The following CASP9 variants were observed in gnomAD, a reference collection of about 807,000 sequenced individuals.
The protein encoded by CASP9 is caspase 9.
Under a neutral mutation model 43.5 loss-of-function variants are expected in CASP9, and 29 were observed. The observed-to-expected ratio is 0.67, with a 90% confidence interval of 0.50 to 0.91. The LOEUF (loss-of-function observed/expected upper bound fraction) is 0.91. Among genes scored for constraint, CASP9 ranks in the 40% least tolerant of loss-of-function variants. The pLI is 0.00. For missense variants in CASP9, 575 were observed against 537.4 expected, an observed-to-expected ratio of 1.07 and a Z score of -0.69; for synonymous variants, 206 against 211.9, an observed-to-expected ratio of 0.97 and a Z score of 0.24.
chr1:15,494,581 A>T (rs1210210225), intron 7 of CASP9, among the ~76,000 whole-genome samples: 1 of 140,580 alleles, frequency 7.1e-6, no homozygotes, highest in African/African-American at 2.6e-5. Flanking sequence ...AAAAAAAAAA[A>T]GGCTGGGCGC....
intron 5 of CASP9, 127 bp downstream of exon 5, chr1:15,505,863 G>A (rs1709499009): frequency 1.3e-6 from 1 of 761,154 alleles, no homozygotes; most frequent in Non-Finnish European, 2.3e-6. Context: ...GAGGTGGGCA[G>A]GGCCCCACAG....
chr1:15,515,852 T>G (rs1296926257), intron 2 of CASP9, among the ~76,000 whole-genome samples: 1 of 152,024 alleles, frequency 6.6e-6, no homozygotes, highest in Non-Finnish European at 1.5e-5. Context: ...GCACAGGAGT[T>G]TGAGGGCAGC....
Position 15,518,347 on chromosome 1 carries a change from C to A in CASP9, c.181G>T (p.Asp61Tyr). 1 of 1,614,032 alleles carries A rather than the reference C, an allele frequency of 6.2e-7. No individual in the cohort carries two copies. Among genetic ancestry groups the A allele is most frequent in the African/African-American group, 1.3e-5 (1 of 75,038 alleles). ...GCCTGACTCCCTCGAGTCTCCAGAT[C>A]TATGATCAGCTGCCTGGCCTGATCC... ...RRDQARQLIIDLETRGSQALP... is the reference protein window; with the variant it reads ...RRDQARQLIIYLETRGSQALP... The change falls in exon 2 of 9, where the codon GAT becomes TAT. Residue 61 changes from aspartate (D) to tyrosine (Y), a missense_variant. Physicochemically the swap from Asp to Tyr is radical, Grantham distance 160. Coordinates refer to ENST00000333868, the MANE Select transcript of CASP9 (RefSeq NM_001229.5).
intron 1 of CASP9, among the ~76,000 whole-genome samples, chr1:15,518,645 A>G (rs1710054819): frequency 1.3e-5 from 2 of 152,240 alleles, no homozygotes; most frequent in African/African-American, 4.8e-5. Context: ...TTAAGGAGCA[A>G]ATTTCTAATG....
chr1:15,521,746 G>A (rs1338515312), intron 1 of CASP9, among the ~76,000 whole-genome samples: 1 of 152,058 alleles, frequency 6.6e-6, no homozygotes, highest in East Asian at 1.9e-4. Context: ...CCACGTCTAG[G>A]TGGTAGTGGT....
rs1157562223 is a variant in CASP9 at position 15,493,925 on chromosome 1, A to G, written c.1125T>C (p.Ala375=). 1 of 1,602,954 alleles carries G rather than the reference A, an allele frequency of 6.2e-7. No individual in the cohort carries two copies. The highest frequency in any genetic ancestry group is 1.1e-5 in the South Asian group (1 of 89,206). The stretch of plus-strand genomic sequence containing the variant: ...GGAGGGACTGCAGGTCTTCAGAGTG[A>G]GCCCACTGCTCAAAGATGTCGTCCA... ...ETLDDIFEQW[A]HSEDLQSLLL... is the part of the protein sequence containing the mutation. Residue 375 remains alanine, a synonymous_variant, in exon 8 of 9, where the codon GCT becomes GCC. Transcript: ENST00000333868.
chr1:15,517,977 G>T, intron 2 of CASP9, 133 bp downstream of exon 2: 2 of 1,038,114 alleles, frequency 1.9e-6, no homozygotes, highest in Non-Finnish European at 2.8e-6. Context: ...CCAGAATTTT[G>T]CCATCCCTAT....
chr1:15,500,884 G>A (rs976606638), intron 6 of CASP9, among the ~76,000 whole-genome samples: 1 of 151,780 alleles, frequency 6.6e-6, no homozygotes, highest in Non-Finnish European at 1.5e-5. Flanking sequence ...CAGAGCAGGG[G>A]GTGTGGGGGA....
intron 2 of CASP9, among the ~76,000 whole-genome samples, chr1:15,516,220 T>C (rs1319881769): frequency 1.6e-5 from 2 of 124,524 alleles, no homozygotes; most frequent in Non-Finnish European, 3.4e-5. Context: ...AAAAAAAAAA[T>C]GGCCAGGGAT....
intron 2 of CASP9, among the ~76,000 whole-genome samples, chr1:15,510,897 A>G (rs544009870): frequency 6.6e-6 from 1 of 152,164 alleles, no homozygotes; most frequent in African/African-American, 2.4e-5. Flanking sequence ...CACAAACAGA[A>G]GAGGGCAAGC....
chr1:15,504,535 G>A, intron 6 of CASP9, 76 bp downstream of exon 6: 3 of 1,474,224 alleles, frequency 2.0e-6, no homozygotes, highest in Non-Finnish European at 2.7e-6. Context: ...CCTGTGAGGG[G>A]CAGGCTGGAG....
chr1:15,511,275 G>A (rs192056338), intron 2 of CASP9, among the ~76,000 whole-genome samples: 88 of 152,188 alleles, frequency 5.8e-4, no homozygotes, highest in African/African-American at 1.8e-3. Context: ...TTTTGGAGAC[G>A]GAGTCTCACT....
intron 2 of CASP9, among the ~76,000 whole-genome samples, chr1:15,509,583 C>T (rs931885221): frequency 6.7e-6 from 1 of 150,254 alleles, no homozygotes; most frequent in Admixed American, 6.7e-5. Flanking sequence ...TGCAGTGAGT[C>T]GAGATCACGT....
chr1:15,524,345 G>A (rs1557559919), upstream of CASP9: 1 of 1,409,854 alleles, frequency 7.1e-7, no homozygotes, highest in Non-Finnish European at 9.1e-7. Flanking sequence ...ACCGCCTCCG[G>A]ACGCATCTCC....
chr1:15,518,575 G>C (rs1412222391), intron 1 of CASP9, among the ~76,000 whole-genome samples, 180 bp from the exon 2 acceptor site: 2 of 152,222 alleles, frequency 1.3e-5, no homozygotes, highest in Non-Finnish European at 2.9e-5. Flanking sequence ...ATTTTGCAGG[G>C]CAAAAGATGC....
intron 8 of CASP9, chr1:15,493,305 G>A (rs1354915340): frequency 9.7e-6 from 13 of 1,336,132 alleles, no homozygotes; most frequent in African/African-American, 4.4e-5. Flanking sequence ...GCCCCTTCTC[G>A]TGGCATGAAT....
chr1:15,497,135 C>A (rs1709130152), intron 6 of CASP9, among the ~76,000 whole-genome samples: 1 of 151,224 alleles, frequency 6.6e-6, no homozygotes. Flanking sequence ...CATGGTAAAA[C>A]CCCGTCTCTA....
At chr1:15,524,591 A>ACTGCCCTCACGTCC, upstream of CASP9, 1 of 525,478 alleles carries the variant, frequency 1.9e-6, no homozygotes, top group South Asian at 6.3e-5. Flanking sequence ...ACCTCACGTC[A>ACTGCCCTCACGTCC]CCGCCCCGCC....
In CASP9 at chr1:15,518,235, A is replaced by C; in HGVS notation, c.293T>G (p.Leu98Trp). 6.2e-7 allele frequency: 1 copy of C among 1,614,194 alleles called. No individual in the cohort carries two copies. Among genetic ancestry groups the C allele is most frequent in the South Asian group, 1.1e-5 (1 of 91,084 alleles). The stretch of plus-strand genomic sequence containing the variant: ...AAGGTTTTCTAGGGTTGGCTTCGAC[A>C]ACTTTGCTGCTTGCCTGTTAGTTCG... ...FLRTNRQAAK[L>W]SKPTLENLTP... Residue 98 changes from leucine to tryptophan, a missense_variant, in exon 2 of 9, where the codon TTG becomes TGG. Coordinates refer to ENST00000333868, the MANE Select transcript of CASP9 (RefSeq NM_001229.5).
Sources: gnomAD v4.1 joint callset for allele counts (sites outside exome capture counted in the v4.1 genomes callset) on GRCh38, gnomAD v4.1.1 for gene constraint, MANE v1.5 for transcripts, NCBI Gene and HGNC (gene_info 2026-07-23, HGNC 2026-07-21) for gene names.